The following KLF8 variants were observed in gnomAD, a reference collection of about 807,000 sequenced individuals.
KLF8 encodes the protein KLF transcription factor 8.
In KLF8, 10 loss-of-function variants were observed where a neutral mutation model predicts 18.2. The ratio of observed to expected loss-of-function variants is 0.55; its 90% confidence interval spans 0.34 to 0.93. The LOEUF is 0.93. Ranked by LOEUF, KLF8 falls within the 40% of genes least tolerant of loss-of-function variation. KLF8 has a pLI of 0.02. For synonymous variants in KLF8, 109 were observed against 97.3 expected (o/e 1.12, Z -0.71); for missense variants, 264 against 277.9 (o/e 0.95, Z 0.36).
At chrX:56,208,658 G>GT in the KLF8 span, among the ~76,000 whole-genome samples, 2 of 110,540 alleles carry the variant, frequency 1.8e-5, no homozygotes, top group African/African-American at 6.6e-5. Flanking sequence ...GTTTTGGTAT[G>GT]TTGTGTTTCC....
chrX:55,984,993 T>C, the KLF8 span, among the ~76,000 whole-genome samples: 13 of 110,931 alleles, frequency 1.2e-4, no homozygotes, highest in African/African-American at 4.2e-4. Flanking sequence ...TTTGAAAATT[T>C]GTTTAAGTTC....
chrX:56,024,304 T>G, the KLF8 span, among the ~76,000 whole-genome samples: 1 of 108,004 alleles, frequency 9.3e-6, no homozygotes, highest in African/African-American at 3.4e-5. Flanking sequence ...GCCTCCCGAG[T>G]TCAAGCTATT....
At chrX:56,117,086 G>A in the KLF8 span, among the ~76,000 whole-genome samples, 31 of 110,050 alleles carry the variant, frequency 2.8e-4, no homozygotes, top group African/African-American at 1.0e-3. Flanking sequence ...GACCAGTCTG[G>A]CCAACACAGC....
At chrX:55,952,088 C>CT in the KLF8 span, among the ~76,000 whole-genome samples, 4 of 111,845 alleles carry the variant, frequency 3.6e-5, 1 homozygote, top group Admixed American at 9.5e-5. Context: ...GGGAAAAATA[C>CT]TTTTTTGTCA....
chrX:55,928,230 G>A, the KLF8 span, among the ~76,000 whole-genome samples: 1 of 111,837 alleles, frequency 8.9e-6, no homozygotes, highest in Non-Finnish European at 1.9e-5. Context: ...CCACAGAGGT[G>A]AGGTGTCCTT....
At chrX:55,946,383 G>A in the KLF8 span, among the ~76,000 whole-genome samples, 1 of 111,430 alleles carries the variant, frequency 9.0e-6, no homozygotes, top group African/African-American at 3.3e-5. Context: ...CAAGAAATGG[G>A]GAAAGGATTC....
At chrX:56,165,803 G>C in the KLF8 span, among the ~76,000 whole-genome samples, 8 of 108,902 alleles carry the variant, frequency 7.3e-5, no homozygotes, top group Non-Finnish European at 1.5e-4. Context: ...CAAAGCTGTA[G>C]TGAGCTATGA....
At chrX:56,000,089 A>G in the KLF8 span, among the ~76,000 whole-genome samples, 2 of 111,750 alleles carry the variant, frequency 1.8e-5, no homozygotes, top group Non-Finnish European at 3.8e-5. Flanking sequence ...TTCTGCATCT[A>G]CTAGGATGAT....
the KLF8 span, among the ~76,000 whole-genome samples, chrX:55,942,660 C>G: frequency 9.0e-6 from 1 of 111,204 alleles, no homozygotes; most frequent in Non-Finnish European, 1.9e-5. Flanking sequence ...AAGATCGTTT[C>G]GATTGGGTTG....
the KLF8 span, among the ~76,000 whole-genome samples, chrX:56,226,766 T>C: frequency 3.6e-5 from 4 of 112,350 alleles, no homozygotes; most frequent in Non-Finnish European, 5.6e-5. Context: ...AATAATTTAT[T>C]TCACCTTAGG....
At chrX:56,263,458 G>A (rs1001250189) in intron 2 of KLF8, among the ~76,000 whole-genome samples, 1 of 111,432 alleles carries the variant, frequency 9.0e-6, no homozygotes, top group African/African-American at 3.3e-5. Flanking sequence ...TTTTGGTGCC[G>A]TTACTCATTC....
At chrX:56,171,696 A>G in the KLF8 span, among the ~76,000 whole-genome samples, 1 of 111,833 alleles carries the variant, frequency 8.9e-6, no homozygotes, top group African/African-American at 3.2e-5. Context: ...TACAAAGGAC[A>G]TGAACTCATC....
the KLF8 span, among the ~76,000 whole-genome samples, chrX:56,108,468 C>G: frequency 7.2e-5 from 8 of 111,454 alleles, no homozygotes; most frequent in African/African-American, 2.6e-4. Flanking sequence ...ATTATGTTAT[C>G]TTTTTTCATA....
chrX:55,978,250 C>T, the KLF8 span, among the ~76,000 whole-genome samples: 1 of 111,088 alleles, frequency 9.0e-6, no homozygotes, highest in South Asian at 3.8e-4. Flanking sequence ...ATGTAGGGAA[C>T]ATTATCCAAT....
At chrX:56,058,960 T>A in the KLF8 span, among the ~76,000 whole-genome samples, 1 of 111,950 alleles carries the variant, frequency 8.9e-6, no homozygotes, top group Admixed American at 9.4e-5. Context: ...TAATTGCCAC[T>A]CCCACCAACA....
chrX:55,972,587 T>C, the KLF8 span, among the ~76,000 whole-genome samples: 1 of 111,480 alleles, frequency 9.0e-6, no homozygotes, highest in Non-Finnish European at 1.9e-5. Context: ...AATACTACAT[T>C]TACCCTGATG....
At chrX:56,248,794 C>T (rs1301440368) in intron 1 of KLF8, among the ~76,000 whole-genome samples, 1 of 111,474 alleles carries the variant, frequency 9.0e-6, no homozygotes, top group Non-Finnish European at 1.9e-5. Context: ...CCCTCTCTAC[C>T]ACCTCTCACT....
the KLF8 span, among the ~76,000 whole-genome samples, chrX:55,972,895 C>T: frequency 8.9e-6 from 1 of 112,004 alleles, no homozygotes; most frequent in East Asian, 2.8e-4. Flanking sequence ...CAACAAAGAA[C>T]CTGAATAGCC....
chrX:56,189,286 G>A, the KLF8 span, among the ~76,000 whole-genome samples: 7 of 111,994 alleles, frequency 6.3e-5, no homozygotes, highest in Admixed American at 1.9e-4. Context: ...ATCATCACTG[G>A]CCATCAGAGA....
Sources: allele counts gnomAD v4.1 joint callset (sites outside exome capture counted in the v4.1 genomes callset), GRCh38; gene constraint gnomAD v4.1.1; transcripts MANE v1.5; gene names NCBI Gene and HGNC (gene_info 2026-07-23, HGNC 2026-07-21).